PDE5A: variants seen among roughly 807,000 people sequenced by gnomAD.
The protein encoded by PDE5A is cGMP-specific 3',5'-cyclic phosphodiesterase.
PDE5A carries 67 observed loss-of-function variants against 110.2 expected under a neutral mutation model. The ratio of observed to expected loss-of-function variants is 0.61; its 90% CI spans 0.50 to 0.75. PDE5A has a LOEUF of 0.75. Among genes scored for constraint, PDE5A ranks in the 30% least tolerant of loss-of-function variants. PDE5A has a pLI of 0.00. For missense variants in PDE5A, 862 were observed against 1,045.1 expected (o/e 0.82, Z 2.42); for synonymous variants, 328 against 351.2 (o/e 0.93, Z 0.74).
At chr4:119,602,607 TACA>T (rs1362375130) in intron 2 of PDE5A, among the ~76,000 whole-genome samples, 2 of 152,228 alleles carry the variant, frequency 1.3e-5, no homozygotes, top group Non-Finnish European at 2.9e-5. Flanking sequence ...TTGTCTAAAT[TACA>T]ACAATTGCTA....
Position 119,521,008 on chromosome 4 carries a change from GC to G in PDE5A, c.1831del (p.Ala611ProfsTer19). ...SVKKNYRKNV[A>X]YHNWRHAFNT... Reference sequence around the variant, plus strand: ...AAAGGCATGTCTCCAATTATGATAGGCAACATTCTTCCGATAATTCTTCTTA... The same window carrying G: ...AAAGGCATGTCTCCAATTATGATAGGAACATTCTTCCGATAATTCTTCTTA... On this transcript the variant is annotated frameshift_variant, in exon 13 of 21. Transcript: ENST00000354960. LOFTEE classifies it high-confidence loss of function. 6.2e-7 allele frequency: 1 copy of G among 1,612,796 alleles called. No homozygotes were observed. Among genetic ancestry groups the G allele is most frequent in the Non-Finnish European group, 8.5e-7 (1 of 1,179,042 alleles).
chr4:119,593,701 T>C (rs1281453477), intron 3 of PDE5A, among the ~76,000 whole-genome samples: 4 of 152,200 alleles, frequency 2.6e-5, no homozygotes, highest in African/African-American at 7.2e-5. Context: ...ATTCATCAAA[T>C]TGTACACTTA....
At chr4:119,586,030 G>A (rs1728753748) in intron 3 of PDE5A, among the ~76,000 whole-genome samples, 1 of 152,164 alleles carries the variant, frequency 6.6e-6, no homozygotes, top group Non-Finnish European at 1.5e-5. Context: ...GAGCCAGAAG[G>A]AACCAAGCTT....
At chr4:119,561,973 A>G (rs754754637) in intron 6 of PDE5A, among the ~76,000 whole-genome samples, 4 of 152,212 alleles carry the variant, frequency 2.6e-5, no homozygotes, top group Non-Finnish European at 4.4e-5. Flanking sequence ...TATCATATGT[A>G]GATTATAATT....
intron 3 of PDE5A, among the ~76,000 whole-genome samples, chr4:119,580,329 C>T (rs1375410673): frequency 6.6e-6 from 1 of 152,182 alleles, no homozygotes; most frequent in Non-Finnish European, 1.5e-5. Flanking sequence ...CCTTGAGATA[C>T]AGAGATTCTG....
At chr4:119,508,341 TTTTA>T (rs1464159167) in intron 15 of PDE5A, among the ~76,000 whole-genome samples, 2 of 152,058 alleles carry the variant, frequency 1.3e-5, no homozygotes, top group Non-Finnish European at 2.9e-5. Flanking sequence ...TGTAACCATT[TTTTA>T]TTTCTTATCT....
intron 3 of PDE5A, among the ~76,000 whole-genome samples, chr4:119,585,589 A>G (rs2110525625): frequency 6.6e-6 from 1 of 152,276 alleles, no homozygotes; most frequent in African/African-American, 2.4e-5. Context: ...GGAAAGAGAA[A>G]AATAAATATG....
chr4:119,573,472 G>C (rs566764278), intron 3 of PDE5A, among the ~76,000 whole-genome samples: 28 of 152,240 alleles, frequency 1.8e-4, no homozygotes, highest in African/African-American at 6.0e-4. Context: ...GGCTAAGCTG[G>C]TATCCTCTTC....
chr4:119,507,934 C>G (rs1277933464), intron 15 of PDE5A, among the ~76,000 whole-genome samples: 1 of 151,874 alleles, frequency 6.6e-6, no homozygotes, highest in East Asian at 1.9e-4. Context: ...GCATGTTTTT[C>G]CAACTCTTAT....
At chr4:119,502,727 A>G (rs1725400780) in intron 18 of PDE5A, 72 bp from the exon 19 acceptor site, 2 of 923,432 alleles carry the variant, frequency 2.2e-6, no homozygotes, top group South Asian at 1.4e-5. Flanking sequence ...CCGTGAATGA[A>G]GGCCCTGTTA....
At chr4:119,541,049 TA>T (rs1726908425) in intron 10 of PDE5A, among the ~76,000 whole-genome samples, 1 of 152,176 alleles carries the variant, frequency 6.6e-6, no homozygotes, top group African/African-American at 2.4e-5. Flanking sequence ...TGCTTCAAAC[TA>T]AGCCAGTGGG....
At chr4:119,595,480 T>C (rs1237057795) in intron 3 of PDE5A, among the ~76,000 whole-genome samples, 4 of 152,088 alleles carry the variant, frequency 2.6e-5, no homozygotes, top group Non-Finnish European at 4.4e-5. Flanking sequence ...GTAGACTGAG[T>C]GAAAAAGATT....
At chr4:119,521,943 T>C (rs1224382548) in intron 12 of PDE5A, among the ~76,000 whole-genome samples, 1 of 151,992 alleles carries the variant, frequency 6.6e-6, no homozygotes, top group Admixed American at 6.6e-5. Flanking sequence ...TATGTGATTC[T>C]CCCTACATGT....
chr4:119,573,848 C>G (rs1480165149), intron 3 of PDE5A, among the ~76,000 whole-genome samples: 2 of 152,098 alleles, frequency 1.3e-5, no homozygotes, highest in African/African-American at 4.8e-5. Context: ...ATAACATGAT[C>G]AATGCCATTG....
intron 10 of PDE5A, among the ~76,000 whole-genome samples, chr4:119,541,026 C>A (rs2110485737): frequency 6.6e-6 from 1 of 152,110 alleles, no homozygotes; most frequent in Non-Finnish European, 1.5e-5. Flanking sequence ...CAAAGTAATA[C>A]AATGTCTGGG....
chr4:119,528,625 A>T (rs1018969703), intron 11 of PDE5A: 4 of 152,166 alleles, frequency 2.6e-5, no homozygotes, highest in African/African-American at 9.7e-5. Context: ...CCTGAACAAG[A>T]TGTTCAATCT....
chr4:119,573,686 A>G (rs1261838772), intron 3 of PDE5A, among the ~76,000 whole-genome samples: 1 of 152,112 alleles, frequency 6.6e-6, no homozygotes, highest in Non-Finnish European at 1.5e-5. Flanking sequence ...TGGTTGGGGG[A>G]TGAGACAAGG....
intron 12 of PDE5A, among the ~76,000 whole-genome samples, chr4:119,523,323 A>G (rs1162128209): frequency 6.6e-6 from 1 of 152,004 alleles, no homozygotes; most frequent in Non-Finnish European, 1.5e-5. Flanking sequence ...TACAGTCATT[A>G]TAGGAGAATA....
intron 11 of PDE5A, among the ~76,000 whole-genome samples, chr4:119,537,421 C>T (rs1269770737): frequency 1.3e-5 from 2 of 152,032 alleles, no homozygotes; most frequent in African/African-American, 4.8e-5. Context: ...TATTTCTCAT[C>T]CTTCCTACCA....
Sources: allele counts gnomAD v4.1 joint callset (sites outside exome capture counted in the v4.1 genomes callset), GRCh38; gene constraint gnomAD v4.1.1; transcripts MANE v1.5; gene names NCBI Gene and HGNC (gene_info 2026-07-23, HGNC 2026-07-21).